C17orf114: variants seen among roughly 807,000 people sequenced by gnomAD.
The protein encoded by C17orf114 is chromosome 17 open reading frame 114.
At chr17:4,806,230 G>T (rs977050048), upstream of C17orf114, among the ~76,000 whole-genome samples, 1 of 152,152 alleles carries the variant, frequency 6.6e-6, no homozygotes, top group South Asian at 2.1e-4. Flanking sequence ...ACTGATTTTG[G>T]AAATCTAGAA....
upstream of C17orf114, among the ~76,000 whole-genome samples, chr17:4,804,811 C>T (rs1905603468): frequency 6.6e-6 from 1 of 151,524 alleles, no homozygotes; most frequent in African/African-American, 2.4e-5. Flanking sequence ...GTCTCGATCT[C>T]CTGACCTCGT....
upstream of C17orf114, among the ~76,000 whole-genome samples, chr17:4,804,575 T>C (rs962844447): frequency 5.3e-5 from 8 of 151,068 alleles, no homozygotes; most frequent in African/African-American, 1.7e-4. Flanking sequence ...TACAGGGTAC[T>C]GCCTGAGTTA....
chr17:4,805,792 A>C (rs370142722), upstream of C17orf114, among the ~76,000 whole-genome samples: 209 of 152,208 alleles, frequency 1.4e-3, 2 homozygotes, highest in South Asian at 0.02. Flanking sequence ...TCTACTAAAA[A>C]TACAAAAAAA....
At chr17:4,803,707 T>A (rs558391873), upstream of C17orf114, among the ~76,000 whole-genome samples, 608 of 151,808 alleles carry the variant, frequency 4.0e-3, 3 homozygotes, top group Non-Finnish European at 6.5e-3. Flanking sequence ...ATTACAGGCA[T>A]GAGACACAGC....
upstream of C17orf114, among the ~76,000 whole-genome samples, chr17:4,803,215 G>C (rs979633763): frequency 2.0e-5 from 3 of 151,608 alleles, no homozygotes; most frequent in Non-Finnish European, 4.4e-5. Flanking sequence ...CACCGCACCC[G>C]GCCTCAAAGA....
upstream of C17orf114, among the ~76,000 whole-genome samples, chr17:4,802,951 T>A (rs1453254769): frequency 6.6e-6 from 1 of 152,092 alleles, no homozygotes; most frequent in Admixed American, 6.6e-5. Context: ...AGAGTCTCAC[T>A]CTCTCGCCCA....
At chr17:4,805,795 C>CA (rs936805397), upstream of C17orf114, among the ~76,000 whole-genome samples, 22 of 151,436 alleles carry the variant, frequency 1.5e-4, no homozygotes, top group Admixed American at 3.3e-4. Context: ...ACTAAAAATA[C>CA]AAAAAAAATT....
chr17:4,803,518 G>A (rs1425631275), upstream of C17orf114, among the ~76,000 whole-genome samples: 9 of 135,238 alleles, frequency 6.7e-5, no homozygotes, highest in East Asian at 4.9e-4. Context: ...TCTGCCTCCC[G>A]GGTTCACGCC....
exon 2 of C17orf114, chr17:4,801,405 T>C: frequency 2.5e-6 from 1 of 398,648 alleles, no homozygotes; most frequent in Non-Finnish European, 4.4e-6. Flanking sequence ...CCCTCAGCCA[T>C]GGTGGGGGCT....
chr17:4,802,048 C>A (rs1326528571), intron 1 of C17orf114, among the ~76,000 whole-genome samples, 199 bp downstream of exon 1: 2 of 152,126 alleles, frequency 1.3e-5, no homozygotes, highest in African/African-American at 4.8e-5. Context: ...AAATTGTTAA[C>A]AAGGGGCCCC....
upstream of C17orf114, among the ~76,000 whole-genome samples, chr17:4,802,530 A>C (rs999806456): frequency 1.3e-5 from 2 of 152,100 alleles, no homozygotes; most frequent in Admixed American, 6.6e-5. Flanking sequence ...ATGCCCCATT[A>C]ATTTGGGGGT....
chr17:4,802,045 T>G (rs1410997056), intron 1 of C17orf114, among the ~76,000 whole-genome samples: 1 of 152,080 alleles, frequency 6.6e-6, no homozygotes. Context: ...CTTAAATTGT[T>G]AACAAGGGGC....
At chr17:4,805,981 C>T (rs1019119840), upstream of C17orf114, among the ~76,000 whole-genome samples, 6 of 151,836 alleles carry the variant, frequency 4.0e-5, no homozygotes, top group Admixed American at 3.9e-4. Context: ...AGCGAGACTC[C>T]GTCTCATAAA....
chr17:4,801,955 C>T (rs1246520573), intron 1 of C17orf114, among the ~76,000 whole-genome samples: 4 of 151,994 alleles, frequency 2.6e-5, no homozygotes, highest in Admixed American at 6.6e-5. Context: ...GGTCTCCATC[C>T]CCTGACCTCG....
At chr17:4,803,416 A>ATTTTTT (rs34116712), upstream of C17orf114, among the ~76,000 whole-genome samples, 8 of 75,450 alleles carry the variant, frequency 1.1e-4, no homozygotes, top group Admixed American at 2.2e-4. Flanking sequence ...GTTTTTTTTA[A>ATTTTTT]TTTTTTTTTT....
chr17:4,801,839 T>C (rs1336628710), intron 1 of C17orf114, among the ~76,000 whole-genome samples: 1 of 151,974 alleles, frequency 6.6e-6, no homozygotes, highest in Non-Finnish European at 1.5e-5. Context: ...CAAGTGATTC[T>C]CCTGCCTCAG....
chr17:4,803,406 GT>G (rs1170706919), upstream of C17orf114, among the ~76,000 whole-genome samples: 1 of 115,824 alleles, frequency 8.6e-6, no homozygotes, highest in Non-Finnish European at 1.9e-5. Flanking sequence ...AAAATCTATT[GT>G]TTTTTTTAAT....
At chr17:4,805,609 G>A (rs1192744308), upstream of C17orf114, among the ~76,000 whole-genome samples, 1 of 151,470 alleles carries the variant, frequency 6.6e-6, no homozygotes, top group African/African-American at 2.4e-5. Flanking sequence ...GGAAGGGGGA[G>A]GTTGCAGTGA....
chr17:4,801,855 C>T (rs924313019), intron 1 of C17orf114, among the ~76,000 whole-genome samples: 60 of 151,926 alleles, frequency 3.9e-4, no homozygotes, highest in African/African-American at 1.4e-3. Context: ...CTCAGCCTCC[C>T]GAGTAGCTGG....
Sources: gnomAD v4.1 joint callset for allele counts (sites outside exome capture counted in the v4.1 genomes callset) on GRCh38, gnomAD v4.1.1 for gene constraint, MANE v1.5 for transcripts, NCBI Gene and HGNC (gene_info 2026-07-23, HGNC 2026-07-21) for gene names.